The following HIBADH variants were observed in gnomAD, a reference collection of about 807,000 sequenced individuals.
The protein encoded by HIBADH is 3-hydroxyisobutyrate dehydrogenase, mitochondrial.
In HIBADH, 25 loss-of-function variants were observed where a neutral mutation model predicts 36.1. The ratio of observed to expected loss-of-function variants is 0.69; its 90% confidence interval spans 0.50 to 0.97. The LOEUF (loss-of-function observed/expected upper bound fraction) is 0.97, where lower values mean the gene tolerates loss of function less well. Among genes scored for constraint, HIBADH ranks in the 50% least tolerant of loss-of-function variants. The pLI is 0.00. For missense variants in HIBADH, 421 were observed against 418.0 expected (o/e 1.01, Z -0.06); for synonymous variants, 160 against 149.5 (o/e 1.07, Z -0.51).
chr7:27,566,272 C>CA (rs1441556164), intron 4 of HIBADH, among the ~76,000 whole-genome samples: 15 of 151,710 alleles, frequency 9.9e-5, no homozygotes, highest in Non-Finnish European at 1.8e-4. Flanking sequence ...GAATTCATCA[C>CA]AAAAAAACAT....
intron 4 of HIBADH, among the ~76,000 whole-genome samples, chr7:27,599,515 T>C (rs1015925227): frequency 6.6e-6 from 1 of 151,570 alleles, no homozygotes; most frequent in African/African-American, 2.4e-5. Context: ...ACCCCACCTC[T>C]ACTAAAAATA....
At chr7:27,598,488 T>C (rs1785068620) in intron 4 of HIBADH, among the ~76,000 whole-genome samples, 2 of 152,170 alleles carry the variant, frequency 1.3e-5, no homozygotes, top group South Asian at 2.1e-4. Flanking sequence ...CAATTAGAAG[T>C]ACACATTATT....
At chr7:27,600,818 A>C (rs974747063) in intron 4 of HIBADH, among the ~76,000 whole-genome samples, 1 of 152,148 alleles carries the variant, frequency 6.6e-6, no homozygotes. Context: ...GAACACACCA[A>C]TGTAAGAAGA....
intron 4 of HIBADH, among the ~76,000 whole-genome samples, chr7:27,590,344 C>T (rs1391798384): frequency 6.6e-6 from 1 of 152,176 alleles, no homozygotes; most frequent in African/African-American, 2.4e-5. Context: ...CATGTAAGTG[C>T]TCTTTTCACT....
intron 4 of HIBADH, among the ~76,000 whole-genome samples, chr7:27,603,412 G>T (rs1583591874): frequency 1.3e-5 from 2 of 152,086 alleles, no homozygotes; most frequent in African/African-American, 4.8e-5. Context: ...ATCTTTATGT[G>T]CTCCTAAGGG....
At chr7:27,536,405 T>C (rs1784071053) in intron 6 of HIBADH, among the ~76,000 whole-genome samples, 1 of 152,154 alleles carries the variant, frequency 6.6e-6, no homozygotes, top group Non-Finnish European at 1.5e-5. Context: ...TTATGTTATA[T>C]ATATCAGTAT....
Position 27,650,504 on chromosome 7 carries a change from ATTTT to A in HIBADH, c.92-875_92-872del, listed in dbSNP as rs533986352. 4.7e-3 allele frequency among the ~76,000 whole-genome samples: 439 copies of A among 93,000 alleles called. 1 individual carries two copies. Among genetic ancestry groups the A allele is most frequent in the African/African-American group, 0.013 (382 of 28,760 alleles). The allele number at this position is 93,000 out of a possible 152,430, so 61.0% of individuals were successfully genotyped here. On this transcript the variant is annotated intron_variant, in intron 1 of 7. Transcript: ENST00000265395. ...TATTTATTTATTTATTTATTTATTT[ATTTT>A]TTGAGACGGAGTCTCACTCTGTCAC...
At chr7:27,567,579 C>CG (rs1175623532) in intron 4 of HIBADH, among the ~76,000 whole-genome samples, 1 of 152,060 alleles carries the variant, frequency 6.6e-6, no homozygotes, top group Admixed American at 6.6e-5. Context: ...CCTTCTTCTG[C>CG]ATTACAGTAT....
intron 4 of HIBADH, among the ~76,000 whole-genome samples, chr7:27,625,933 C>T (rs1785632917): frequency 6.6e-6 from 1 of 151,820 alleles, no homozygotes; most frequent in African/African-American, 2.4e-5. Context: ...GAAACCCTGT[C>T]TCTACTAAAA....
intron 4 of HIBADH, among the ~76,000 whole-genome samples, chr7:27,618,133 G>A (rs1046051815): frequency 4.6e-5 from 7 of 152,206 alleles, no homozygotes; most frequent in African/African-American, 1.7e-4. Context: ...CAGCCTCTGT[G>A]ATCAAGCTCT....
At chr7:27,571,761 T>G (rs1443653602) in intron 4 of HIBADH, among the ~76,000 whole-genome samples, 3 of 152,200 alleles carry the variant, frequency 2.0e-5, no homozygotes, top group Admixed American at 6.5e-5. Flanking sequence ...AGAATTTTTA[T>G]TCTTCTATGG....
intron 4 of HIBADH, among the ~76,000 whole-genome samples, chr7:27,615,387 A>G (rs1400478278): frequency 6.6e-6 from 1 of 152,212 alleles, no homozygotes; most frequent in Non-Finnish European, 1.5e-5. Flanking sequence ...TTCCATCTAT[A>G]AAATGTTAAT....
chr7:27,567,451 G>A (rs1360003364), intron 4 of HIBADH, among the ~76,000 whole-genome samples: 1 of 152,026 alleles, frequency 6.6e-6, no homozygotes, highest in African/African-American at 2.4e-5. Flanking sequence ...GTGCCTTTTA[G>A]TTGGTGTATT....
chr7:27,620,832 C>T (rs571170349), intron 4 of HIBADH, among the ~76,000 whole-genome samples: 6 of 151,954 alleles, frequency 3.9e-5, no homozygotes, highest in African/African-American at 1.4e-4. Flanking sequence ...TATATAACAC[C>T]ATCAGAAAAT....
intron 4 of HIBADH, among the ~76,000 whole-genome samples, chr7:27,585,731 T>C (rs1454436117): frequency 2.0e-5 from 3 of 152,198 alleles, no homozygotes; most frequent in Non-Finnish European, 4.4e-5. Context: ...ATTTTGGTTG[T>C]CCTAAAAGTG....
chr7:27,605,586 C>CAAAAAAAAAAAA (rs70994666), intron 4 of HIBADH, among the ~76,000 whole-genome samples: 2 of 33,600 alleles, frequency 6.0e-5, no homozygotes, highest in Non-Finnish European at 9.9e-5. Flanking sequence ...TTTAGACAAG[C>CAAAAAAAAAAAA]AAAAAAAAAA....
chr7:27,590,945 T>G (rs1367314804), intron 4 of HIBADH, among the ~76,000 whole-genome samples: 1 of 152,200 alleles, frequency 6.6e-6, no homozygotes, highest in Non-Finnish European at 1.5e-5. Flanking sequence ...GAGAAATGGT[T>G]AAAGGCAGGA....
At chr7:27,552,982 ATCTATC>A (rs1429285442) in intron 4 of HIBADH, among the ~76,000 whole-genome samples, 4 of 152,242 alleles carry the variant, frequency 2.6e-5, no homozygotes, top group African/African-American at 4.8e-5. Flanking sequence ...AGGGACATGC[ATCTATC>A]TCTTTTTTTA....
chr7:27,576,244 C>T (rs1222497506), intron 4 of HIBADH, among the ~76,000 whole-genome samples: 1 of 152,068 alleles, frequency 6.6e-6, no homozygotes, highest in Non-Finnish European at 1.5e-5. Context: ...ACTTTATTTC[C>T]AAAAACTGTG....
Sources: gnomAD v4.1 joint callset for allele counts (sites outside exome capture counted in the v4.1 genomes callset) on GRCh38, gnomAD v4.1.1 for gene constraint, MANE v1.5 for transcripts, NCBI Gene and HGNC (gene_info 2026-07-23, HGNC 2026-07-21) for gene names.